The following CDH23 variants were observed in gnomAD, a reference collection of about 807,000 sequenced individuals.
The protein encoded by CDH23 is cadherin-23.
A neutral mutation model predicts 317.1 loss-of-function variants in CDH23; 189 were observed. The ratio of observed to expected loss-of-function variants is 0.60; its 90% CI spans 0.53 to 0.67. The LOEUF (loss-of-function observed/expected upper bound fraction) is 0.67. Ranked by LOEUF, CDH23 falls within the 30% of genes least tolerant of loss-of-function variation. The probability of loss-of-function intolerance (pLI) is 0.00; values close to 1 mark genes in which losing one functional copy is unlikely to be tolerated. For missense variants in CDH23, 4,401 were observed against 4,592.4 expected, an observed-to-expected ratio of 0.96 and a Z score of 1.20; for synonymous variants, 1,839 against 1,876.8, an observed-to-expected ratio of 0.98 and a Z score of 0.52.
intron 4 of CDH23, 98 bp downstream of exon 4, chr10:71,510,322 G>A (rs1853894506): frequency 8.0e-6 from 11 of 1,373,926 alleles, no homozygotes; most frequent in Admixed American, 1.9e-5. Context: ...CTTCCTCTAA[G>A]ACCCCATTCT....
At chr10:71,583,715 G>A (rs1360472090) in intron 9 of CDH23, among the ~76,000 whole-genome samples, 4 of 152,166 alleles carry the variant, frequency 2.6e-5, no homozygotes, top group African/African-American at 9.7e-5. Context: ...CCCGAGTGAC[G>A]GGAGGAGAAC....
At chr10:71,514,457 G>C (rs2132211576) in intron 6 of CDH23, among the ~76,000 whole-genome samples, 1 of 152,236 alleles carries the variant, frequency 6.6e-6, no homozygotes, top group Middle Eastern at 3.4e-3. Flanking sequence ...GACCCACCTG[G>C]ACCCAAGTCC....
chr10:71,675,586 T>C (rs1057483594), intron 15 of CDH23, among the ~76,000 whole-genome samples: 1 of 152,228 alleles, frequency 6.6e-6, no homozygotes, highest in Non-Finnish European at 1.5e-5. Flanking sequence ...ACAGAAGAAC[T>C]CAGTGCTAGG....
intron 20 of CDH23, among the ~76,000 whole-genome samples, chr10:71,691,821 A>G (rs1236401570): frequency 1.3e-5 from 2 of 152,204 alleles, no homozygotes; most frequent in African/African-American, 2.4e-5. Flanking sequence ...TCTTCCTGCT[A>G]TCCATCCCTC....
At chr10:71,657,127 C>T (rs1665617) in intron 14 of CDH23, among the ~76,000 whole-genome samples, 90,839 of 152,082 alleles carry the variant, frequency 0.6, 27,633 homozygotes, top group Non-Finnish European at 0.68. Context: ...TCTCCATCTC[C>T]GCCTGACTGA....
intron 50 of CDH23, 144 bp downstream of exon 50, chr10:71,798,722 T>A (rs1310678307): frequency 5.7e-6 from 4 of 703,358 alleles, no homozygotes; most frequent in South Asian, 1.9e-5. Context: ...AGATTCCAGA[T>A]GCCCAAACCA....
rs148479075 is a variant in CDH23, at chr10:71,751,069, A to G, written c.4845+9148A>G. 3.1e-3 allele frequency: 2,108 copies of G among 690,442 alleles called. 33 individuals carry two copies. The highest frequency in any genetic ancestry group is 0.021 in the South Asian group (1,001 of 47,014). 42.8% of individuals were successfully genotyped at this position (690,442 alleles called of 1,614,324 possible). A position where few individuals can be genotyped will look rare whatever the true frequency, so the allele number is the denominator to read the frequency against. On this transcript the variant is annotated intron_variant, in intron 38 of 69. Transcript: ENST00000224721. This position sits in a 1 kb window ranked among gnomAD's most constrained non-coding sequence, Gnocchi z 4.9. ...CCTTGGAACAGGGGCTGAGCCGTCC[A>G]GCATCCCCATGTAGCATCCAGAGGG...
At chr10:71,541,498 T>G (rs1855987939) in intron 6 of CDH23, among the ~76,000 whole-genome samples, 1 of 152,238 alleles carries the variant, frequency 6.6e-6, no homozygotes, top group Admixed American at 6.5e-5. Context: ...AGGAGGAAAC[T>G]TCTTCACTCT....
chr10:71,594,706 T>C (rs1367246666), intron 9 of CDH23, among the ~76,000 whole-genome samples: 1 of 152,182 alleles, frequency 6.6e-6, no homozygotes, highest in Non-Finnish European at 1.5e-5. Flanking sequence ...ATAATGTCCT[T>C]GATTTGGCCT....
At chr10:71,727,662 T>TACAC (rs201847134) in intron 30 of CDH23, among the ~76,000 whole-genome samples, 2 of 151,192 alleles carry the variant, frequency 1.3e-5, no homozygotes, top group South Asian at 4.2e-4. Context: ...TCACGACACA[T>TACAC]ACACACACAC....
intron 9 of CDH23, among the ~76,000 whole-genome samples, chr10:71,585,722 C>A (rs1216701661): frequency 1.3e-5 from 2 of 152,250 alleles, no homozygotes; most frequent in African/African-American, 4.8e-5. Flanking sequence ...CTCTTCTCTG[C>A]AGGGTGTGCT....
chr10:71,792,364 A>C (rs1244687293), intron 47 of CDH23, among the ~76,000 whole-genome samples: 1 of 152,144 alleles, frequency 6.6e-6, no homozygotes, highest in East Asian at 1.9e-4. Flanking sequence ...CTAAACAATA[A>C]ATGAAGAAAA....
At chr10:71,762,042 A>ACCT in intron 38 of CDH23, 1 of 1,578,312 alleles carries the variant, frequency 6.3e-7, no homozygotes. Flanking sequence ...CAGAGAGAGG[A>ACCT]GAGCCCTGTC....
rs576861854 is a variant in CDH23 at position 71,789,678 on chromosome 10, C to T, written c.5924-610C>T. 5.3e-5 allele frequency among the ~76,000 whole-genome samples: 8 copies of T among 152,306 alleles called. 1 individual carries two copies. The South Asian group carries it at 1.4e-3, about 28-fold the overall frequency. ...GCTCACACATGTGCCCGTGTGTGTC[C>T]ATACCAAGGCATGTGCGTGGGGTTA... On this transcript the variant is annotated intron_variant, in intron 45 of 69. Transcript: ENST00000224721.
At chr10:71,456,499 C>T (rs563849732) in intron 3 of CDH23, among the ~76,000 whole-genome samples, 1 of 152,042 alleles carries the variant, frequency 6.6e-6, no homozygotes, top group East Asian at 1.9e-4. Flanking sequence ...GTGGCAGCCC[C>T]GGCTATGGAC....
chr10:71,755,617 T>C, intron 38 of CDH23: 2 of 727,286 alleles, frequency 2.7e-6, no homozygotes, highest in Non-Finnish European at 4.6e-6. Context: ...TACAGAGGCA[T>C]GGAAGATAAG....
intron 1 of CDH23, among the ~76,000 whole-genome samples, chr10:71,412,431 T>C (rs1385198547): frequency 6.6e-6 from 1 of 152,244 alleles, no homozygotes; most frequent in Non-Finnish European, 1.5e-5. Flanking sequence ...ACTAGCAATG[T>C]ACAAGGCTGA....
At chr10:71,432,359 G>A (rs1369814729) in intron 1 of CDH23, among the ~76,000 whole-genome samples, 1 of 150,432 alleles carries the variant, frequency 6.6e-6, no homozygotes, top group Non-Finnish European at 1.5e-5. Context: ...GAGTGTGAGA[G>A]TCTGGGTGTG....
At position 71,739,680 on chromosome 10, in the gene CDH23, G is replaced by T. The variant is rs1554864704; in HGVS notation, c.4396G>T (p.Ala1466Ser). The T allele has an allele frequency of 6.2e-7, 1 of 1,613,276 alleles. No individual in the cohort carries two copies. The highest frequency in any genetic ancestry group is 8.5e-7 in the Non-Finnish European group (1 of 1,179,584). The change falls in exon 36 of 70, where the codon GCC becomes TCC. Residue 1466 changes from alanine (A) to serine (S), a missense_variant. By Grantham distance (99) the Ala-to-Ser change is moderately conservative. Coordinates refer to ENST00000224721, the MANE Select transcript of CDH23 (RefSeq NM_022124.6). ...FSLASGNIAGAFEIVTTNDSI... is the reference protein window; with the variant it reads ...FSLASGNIAGSFEIVTTNDSI... The stretch of plus-strand genomic sequence containing the variant: ...CCTGGCCTCTGGCAACATCGCGGGG[G>T]CCTTTGAGATCGTCACCACCAATGA...
Sources: gnomAD v4.1 joint callset for allele counts (sites outside exome capture counted in the v4.1 genomes callset) on GRCh38, gnomAD v4.1.1 for gene constraint, Gnocchi (gnomAD v3.1) non-coding constraint, MANE v1.5 for transcripts, NCBI Gene and HGNC (gene_info 2026-07-23, HGNC 2026-07-21) for gene names.